The following FRMD1 variants were observed in gnomAD, a reference collection of about 807,000 sequenced individuals.
FRMD1 encodes FERM domain-containing protein 1.
Under a neutral mutation model 54.9 loss-of-function variants are expected in FRMD1, and 51 were observed. The observed-to-expected ratio is 0.93, with a 90% CI of 0.74 to 1.17. The LOEUF (loss-of-function observed/expected upper bound fraction) is 1.17. FRMD1 is among the 50% of genes most tolerant of loss of function. FRMD1 has a pLI of 0.00. For missense variants in FRMD1, 729 were observed against 743.0 expected, an observed-to-expected ratio of 0.98 and a Z score of 0.22; for synonymous variants, 324 against 306.4, an observed-to-expected ratio of 1.06 and a Z score of -0.60.
At chr6:168,081,476 A>T, upstream of FRMD1, 1 of 1,535,568 alleles carries the variant, frequency 6.5e-7, no homozygotes, top group Non-Finnish European at 8.7e-7. Flanking sequence ...AGATCTCCTC[A>T]TGGCTGAGCC....
At chr6:168,062,113 G>T in intron 7 of FRMD1, 132 bp from the exon 8 acceptor site, 1 of 907,084 alleles carries the variant, frequency 1.1e-6, no homozygotes, top group Non-Finnish European at 1.7e-6. Flanking sequence ...AGTGCAGATG[G>T]CTGTTGGCGG....
chr6:168,080,058 C>A (rs973605495), upstream of FRMD1, among the ~76,000 whole-genome samples: 1 of 152,136 alleles, frequency 6.6e-6, no homozygotes, highest in Non-Finnish European at 1.5e-5. Context: ...GCCATGGAGT[C>A]TGGGATGCTC....
intron 2 of FRMD1, among the ~76,000 whole-genome samples, chr6:168,071,948 G>A (rs1800327523): frequency 6.6e-6 from 1 of 152,192 alleles, no homozygotes; most frequent in African/African-American, 2.4e-5. Flanking sequence ...GCTGGCCCTT[G>A]TGCTCAGACA....
In FRMD1 at chr6:168,057,217, G is replaced by A. The variant is rs1027751749; in HGVS notation, c.1530C>T (p.Ala510=). Residue 510 remains alanine, a synonymous_variant, in exon 11 of 11, where the codon GCC becomes GCT. Coordinates refer to ENST00000283309, the MANE Select transcript of FRMD1 (RefSeq NM_024919.6). ...AGGGGCCTGCCAGCCTGCAGTCCAG[G>A]GCGCGGTGGAAGGTATGGCTGAGTG... ...PTSLSHTFHR[A]LDCRLAGPCE... is the part of the protein sequence containing the mutation. 1.9e-6 allele frequency: 3 copies of A among 1,608,840 alleles called. No individual in the cohort carries two copies. Among genetic ancestry groups the A allele is most frequent in the African/African-American group, 1.3e-5 (1 of 74,998 alleles).
At chr6:168,087,612 G>A (rs1211485036) in intron 1 of FRMD1, among the ~76,000 whole-genome samples, 5 of 152,236 alleles carry the variant, frequency 3.3e-5, no homozygotes, top group African/African-American at 7.2e-5. Context: ...TCTGACCTGC[G>A]TGGACTGGCG....
intron 4 of FRMD1, chr6:168,065,520 G>T (rs1265666246): frequency 2.0e-6 from 2 of 988,636 alleles, no homozygotes; most frequent in Non-Finnish European, 2.4e-6. Flanking sequence ...CCAGGTGGAG[G>T]CTCGCCCAAG....
intron 2 of FRMD1, among the ~76,000 whole-genome samples, chr6:168,069,584 A>T (rs1800199132): frequency 6.6e-6 from 1 of 152,196 alleles, no homozygotes; most frequent in Non-Finnish European, 1.5e-5. Context: ...GGTCAGCAAA[A>T]GGCCTTTTAT....
Position 168,059,058 on chromosome 6 carries a change from A to T in FRMD1, c.1407+66T>A. 1.5e-6 allele frequency: 2 copies of T among 1,318,870 alleles called. No homozygotes were observed. The highest frequency in any genetic ancestry group is 1.1e-6 in the Non-Finnish European group (1 of 949,026). 81.7% of individuals were successfully genotyped at this position (1,318,870 alleles called of 1,614,324 possible). ...TAGGAAGGTCCCCAGGGCCCCTGAC[A>T]GGGGACCTAGGAGAAGGGGGTGGAG... On this transcript the variant is annotated intron_variant, in intron 10 of 10. Coordinates refer to ENST00000283309, the MANE Select transcript of FRMD1 (RefSeq NM_024919.6). This position sits in a 1 kb window ranked among gnomAD's most constrained non-coding sequence, Gnocchi z 4.4.
chr6:168,074,821 CGT>C (rs1329468993), intron 2 of FRMD1, among the ~76,000 whole-genome samples: 3 of 130,310 alleles, frequency 2.3e-5, no homozygotes, highest in African/African-American at 6.0e-5. Context: ...TGTATGTGTA[CGT>C]GTGAGTGGTG....
intron 7 of FRMD1, chr6:168,062,559 G>T: frequency 8.9e-7 from 1 of 1,124,102 alleles, no homozygotes; most frequent in South Asian, 1.6e-5. Flanking sequence ...CCGAGAGGCC[G>T]GCAGGAAGGG....
chr6:168,070,408 A>G (rs935974173), intron 2 of FRMD1, among the ~76,000 whole-genome samples: 1 of 106,662 alleles, frequency 9.4e-6, no homozygotes, highest in Non-Finnish European at 2.0e-5. Context: ...AGGGAGGGAG[A>G]CATTTACATC....
intron 2 of FRMD1, 27 bp from the exon 3 acceptor site, chr6:168,067,473 A>G (rs1308690326): frequency 1.4e-6 from 2 of 1,436,180 alleles, no homozygotes; most frequent in Non-Finnish European, 9.7e-7. Flanking sequence ...AGGCTTCATC[A>G]GAGCAGTCAC....
At position 168,061,946 on chromosome 6, in the gene FRMD1, G is replaced by A. The variant is rs12197610; in HGVS notation, c.906C>T (p.Pro302=). Reference sequence around the variant, plus strand: ...TGTAGTAAACCAGCTTCTGTGCTGCGGGCAGCCCATCCAGCTGGATCTCCA... The same window carrying A: ...TGTAGTAAACCAGCTTCTGTGCTGCAGGCAGCCCATCCAGCTGGATCTCCA... ...KKLEIQLDGL[P]AAQKLVYYTG... The change falls in exon 8 of 11, where the codon CCC becomes CCT. Residue 302 remains proline (P), a synonymous_variant. Coordinates refer to ENST00000283309, the MANE Select transcript of FRMD1 (RefSeq NM_024919.6). The A allele has an allele frequency of 0.22, 346,542 of 1,598,050 alleles. 38,509 individuals are homozygous for A. The highest frequency in any genetic ancestry group is 0.42 in the African/African-American group (31,176 of 74,508).
In FRMD1 at chr6:168,055,485, C is replaced by G. The variant is rs138162248; in HGVS notation, c.*1612G>C. ...GTGTCTCCCCAACACTGGTGTGTAC[C>G]TTCCCTCATGGTCCATGGGACTGGG... On this transcript the variant is annotated 3_prime_UTR_variant, in exon 11 of 11. Coordinates refer to ENST00000283309, the MANE Select transcript of FRMD1 (RefSeq NM_024919.6). 1 of 152,296 alleles carries G rather than the reference C, an allele frequency of 6.6e-6. No individual in the cohort carries two copies. The highest frequency in any genetic ancestry group is 1.5e-5 in the Non-Finnish European group (1 of 68,088). 9.4% of individuals were successfully genotyped at this position (152,296 alleles called of 1,614,324 possible). A position where few individuals can be genotyped will look rare whatever the true frequency, so the allele number is the denominator to read the frequency against.
At chr6:168,058,128 C>T (rs1799509506) in intron 10 of FRMD1, among the ~76,000 whole-genome samples, 1 of 152,202 alleles carries the variant, frequency 6.6e-6, no homozygotes, top group African/African-American at 2.4e-5. Flanking sequence ...GCCTCCCCTC[C>T]CTCCTCCCGT....
chr6:168,073,614 G>C (rs541010992), intron 2 of FRMD1, among the ~76,000 whole-genome samples: 6 of 152,186 alleles, frequency 3.9e-5, no homozygotes, highest in Non-Finnish European at 8.8e-5. Context: ...AGGCACAGAA[G>C]GGGCCGGGGC....
At chr6:168,075,812 A>C (rs887410324) in intron 1 of FRMD1, 1 of 1,549,224 alleles carries the variant, frequency 6.5e-7, no homozygotes, top group Admixed American at 2.0e-5. Flanking sequence ...GCAGCCTCTA[A>C]ACACCCAGCG....
chr6:168,091,218 A>G (rs35108423), intron 1 of FRMD1, among the ~76,000 whole-genome samples: 69,615 of 152,024 alleles, frequency 0.46, 16,548 homozygotes, highest in African/African-American at 0.57. Flanking sequence ...ATAAAAGGCC[A>G]AGGAGCCCCG....
intron 1 of FRMD1, among the ~76,000 whole-genome samples, chr6:168,088,996 T>C (rs1289033897): frequency 6.7e-6 from 1 of 148,246 alleles, no homozygotes; most frequent in Non-Finnish European, 1.5e-5. Flanking sequence ...CCCGCCAGTT[T>C]GGCTCCTGGG....
Sources: gnomAD v4.1 joint callset for allele counts (sites outside exome capture counted in the v4.1 genomes callset) on GRCh38, gnomAD v4.1.1 for gene constraint, Gnocchi (gnomAD v3.1) non-coding constraint, MANE v1.5 for transcripts, NCBI Gene and HGNC (gene_info 2026-07-23, HGNC 2026-07-21) for gene names.